Variants in PRKN observed in about 807,000 individuals in gnomAD.
PRKN encodes the protein E3 ubiquitin-protein ligase parkin.
In PRKN, 56 loss-of-function variants were observed where a neutral mutation model predicts 59.5. That is an observed-to-expected ratio of 0.94 (90% CI 0.76 to 1.18). PRKN has a LOEUF of 1.18. PRKN is among the 50% of genes most tolerant of loss of function. The probability of loss-of-function intolerance (pLI) is 0.00; values close to 1 mark genes in which losing one functional copy is unlikely to be tolerated. For synonymous variants in PRKN, 250 were observed against 222.1 expected (o/e 1.13, Z -1.12); for missense variants, 657 against 596.4 (o/e 1.10, Z -1.06).
At chr6:161,731,719 G>T (rs182761728) in intron 7 of PRKN, among the ~76,000 whole-genome samples, 18 of 152,240 alleles carry the variant, frequency 1.2e-4, no homozygotes, top group Non-Finnish European at 2.9e-5. Flanking sequence ...GATAAACAGA[G>T]ACTGAAGAAG....
chr6:162,123,441 T>C (rs527626024), intron 4 of PRKN, among the ~76,000 whole-genome samples: 26 of 152,298 alleles, frequency 1.7e-4, no homozygotes, highest in African/African-American at 5.1e-4. Flanking sequence ...AGTGTAAATA[T>C]AGGTATGTAT....
At chr6:162,278,504 A>T (rs1780734800) in intron 2 of PRKN, among the ~76,000 whole-genome samples, 1 of 151,980 alleles carries the variant, frequency 6.6e-6, no homozygotes, top group Non-Finnish European at 1.5e-5. Flanking sequence ...CTGGTGGGGG[A>T]TGTTGATAAT....
Position 161,349,852 on chromosome 6 carries a change from T to G in PRKN, c.*247A>C. The G allele has an allele frequency of 1.7e-6, 1 of 572,700 alleles. No individual in the cohort carries two copies. The highest frequency in any genetic ancestry group is 2.8e-5 in the Admixed American group (1 of 35,948). The allele number at this position is 572,700 out of a possible 1,614,324, so 35.5% of individuals were successfully genotyped here. On this transcript the variant is annotated 3_prime_UTR_variant, in exon 12 of 12. Coordinates refer to ENST00000366898, the MANE Select transcript of PRKN (RefSeq NM_004562.3). The surrounding 1 kb of genome is among the most constrained non-coding windows in gnomAD (Gnocchi z 5.5). ...TCGCAGATGGCTCTGCTGTCTTGTG[T>G]GGACAAACTGAAAGGGATTCAGGAG...
chr6:162,704,922 T>C lies in PRKN; in HGVS notation c.7+22740A>G, dbSNP rs149254641. On this transcript the variant is annotated intron_variant, in intron 1 of 11. Coordinates refer to ENST00000366898, the MANE Select transcript of PRKN (RefSeq NM_004562.3). The stretch of plus-strand genomic sequence containing the variant: ...CAGTTTTAAACTAAGTCAAATAATT[T>C]TGCTGCATTTACCAAGTGTGTAGAG... Among the ~76,000 whole-genome samples the C allele has an allele frequency of 4.9e-4, 74 of 152,318 alleles. 1 individual carries two copies. The East Asian group carries it at 9.6e-3, about 20-fold the overall frequency.
At chr6:162,083,133 T>A (rs1433084098) in intron 4 of PRKN, among the ~76,000 whole-genome samples, 1 of 151,956 alleles carries the variant, frequency 6.6e-6, no homozygotes, top group Non-Finnish European at 1.5e-5. Flanking sequence ...TTTGGGACTT[T>A]TAATAGAGAC....
chr6:162,434,520 A>G (rs1789683459), intron 2 of PRKN, among the ~76,000 whole-genome samples: 1 of 151,794 alleles, frequency 6.6e-6, no homozygotes, highest in African/African-American at 2.4e-5. Context: ...TGAAAAAAAA[A>G]GTTAACACAA....
intron 2 of PRKN, among the ~76,000 whole-genome samples, chr6:162,418,987 G>C (rs1214114340): frequency 6.6e-6 from 1 of 151,870 alleles, no homozygotes; most frequent in East Asian, 2.0e-4. Flanking sequence ...AGGCACAAGG[G>C]AACATACAGG....
At chr6:162,439,267 G>A (rs1789935218) in intron 2 of PRKN, among the ~76,000 whole-genome samples, 1 of 151,836 alleles carries the variant, frequency 6.6e-6, no homozygotes, top group South Asian at 2.1e-4. Flanking sequence ...TAAAAAACAG[G>A]CCATTGTTGG....
chr6:162,450,259 C>T (rs542522268), intron 1 of PRKN, among the ~76,000 whole-genome samples: 9 of 150,792 alleles, frequency 6.0e-5, no homozygotes, highest in South Asian at 4.2e-4. Flanking sequence ...TGAATGTAAA[C>T]GCCCCTATGA....
intron 1 of PRKN, among the ~76,000 whole-genome samples, chr6:162,667,635 C>T (rs1779150470): frequency 6.6e-6 from 1 of 152,026 alleles, no homozygotes; most frequent in Non-Finnish European, 1.5e-5. Context: ...ATATCTATCG[C>T]AAACATAGAT....
chr6:162,663,739 A>G (rs1422110457), intron 1 of PRKN, among the ~76,000 whole-genome samples: 1 of 152,144 alleles, frequency 6.6e-6, no homozygotes. Flanking sequence ...AATTGAAACA[A>G]AACCAAAAAC....
chr6:161,833,428 G>C (rs1792598003), intron 6 of PRKN, among the ~76,000 whole-genome samples: 1 of 152,202 alleles, frequency 6.6e-6, no homozygotes. Flanking sequence ...CTAATCCCTA[G>C]CCTAGAAAAA....
intron 2 of PRKN, among the ~76,000 whole-genome samples, chr6:162,417,728 CT>C (rs549863121): frequency 3.3e-5 from 5 of 152,202 alleles, no homozygotes; most frequent in Non-Finnish European, 5.9e-5. Flanking sequence ...ACGTTTATGG[CT>C]TTCGGTTTCT....
chr6:161,656,811 T>A (rs984421319), intron 7 of PRKN, among the ~76,000 whole-genome samples: 1 of 152,184 alleles, frequency 6.6e-6, no homozygotes, highest in African/African-American at 2.4e-5. Flanking sequence ...ATTGATTTGT[T>A]CTCATGTTTA....
chr6:162,031,362 C>A (rs908854844), intron 5 of PRKN, among the ~76,000 whole-genome samples: 1 of 151,874 alleles, frequency 6.6e-6, no homozygotes, highest in Non-Finnish European at 1.5e-5. Flanking sequence ...GGTACTCGAT[C>A]ATTATTGGTT....
chr6:162,467,863 C>T (rs1791506188), intron 1 of PRKN, among the ~76,000 whole-genome samples: 1 of 152,096 alleles, frequency 6.6e-6, no homozygotes, highest in African/African-American at 2.4e-5. Flanking sequence ...CTGGAAGAAG[C>T]CAACCCCTTG....
At chr6:161,791,622 G>A (rs182141397) in intron 6 of PRKN, among the ~76,000 whole-genome samples, 132 of 152,312 alleles carry the variant, frequency 8.7e-4, no homozygotes, top group African/African-American at 3.0e-3. Flanking sequence ...CGAAAGCAAT[G>A]TGCCAGATAT....
intron 3 of PRKN, among the ~76,000 whole-genome samples, chr6:162,214,512 T>C (rs936386567): frequency 6.6e-6 from 1 of 152,198 alleles, no homozygotes; most frequent in Non-Finnish European, 1.5e-5. Context: ...TAATTTAAAT[T>C]TAAACAGCCA....
intron 2 of PRKN, among the ~76,000 whole-genome samples, chr6:162,430,631 A>G (rs9347637): frequency 0.062 from 9,365 of 152,148 alleles, 325 homozygotes; most frequent in South Asian, 0.13. Context: ...GTTTAAATGG[A>G]CTGTATGGCT....
Sources: allele counts gnomAD v4.1 joint callset (sites outside exome capture counted in the v4.1 genomes callset), GRCh38; gene constraint gnomAD v4.1.1; non-coding constraint Gnocchi (gnomAD v3.1); transcripts MANE v1.5; gene names NCBI Gene and HGNC (gene_info 2026-07-23, HGNC 2026-07-21).